The following COL2A1 variants were observed in gnomAD, a reference collection of about 807,000 sequenced individuals.
COL2A1 encodes collagen type II alpha 1 chain.
Under a neutral mutation model 204.5 loss-of-function variants are expected in COL2A1, and 28 were observed. The observed-to-expected ratio is 0.14, with a 90% CI of 0.10 to 0.19. COL2A1 has a LOEUF of 0.19. COL2A1 is among the 10% of genes least tolerant of loss of function. The pLI is 1.00. For synonymous variants in COL2A1, 708 were observed against 718.7 expected, an observed-to-expected ratio of 0.99 and a Z score of 0.24; for missense variants, 1,388 against 2,027.5, an observed-to-expected ratio of 0.68 and a Z score of 6.06.
chr12:47,997,796 G>A lies in COL2A1; in HGVS notation c.429+75C>T, dbSNP rs995943896. The A allele has an allele frequency of 3.1e-6, 5 of 1,609,134 alleles. No homozygotes were observed. In the Admixed American group the frequency reaches 5.0e-5, roughly 16 times the overall value. On this transcript the variant is annotated intron_variant, in intron 6 of 53. Transcript: ENST00000380518. ...TGGCTGCTCTTTAAGAGGTGACCAGGCCCTTAAACACATGGTGGGGCCTTG... is the reference window on the plus strand; with the variant it reads ...TGGCTGCTCTTTAAGAGGTGACCAGACCCTTAAACACATGGTGGGGCCTTG...
chr12:47,993,036 T>A, intron 15 of COL2A1, 105 bp from the exon 16 acceptor site: 2 of 1,086,778 alleles, frequency 1.8e-6, no homozygotes, highest in Non-Finnish European at 1.4e-6. Context: ...AGAGGGAGGA[T>A]GCCCACACCC....
chr12:48,001,040 G>T (rs954326), intron 1 of COL2A1: 45,690 of 152,214 alleles, frequency 0.3, 8,089 homozygotes, highest in African/African-American at 0.49. Flanking sequence ...GACTGCAGAG[G>T]AAGAATAGCA....
chr12:47,998,265 C>T, intron 3 of COL2A1, 64 bp from the exon 4 acceptor site: 1 of 1,607,450 alleles, frequency 6.2e-7, no homozygotes, highest in Non-Finnish European at 8.5e-7. Context: ...GTCTAAAACC[C>T]TGCCAGCAGC....
Position 47,997,645 on chromosome 12 carries a change from A to G in COL2A1, c.492T>C (p.Pro164=). Reference sequence around the variant, plus strand: ...GGGGACCAGGGGGGCCGGGAGGACCAGGGGGGCCAGGATTTCCAGGGGTCC... The same window carrying G: ...GGGGACCAGGGGGGCCGGGAGGACCGGGGGGGCCAGGATTTCCAGGGGTCC... ...EPGTPGNPGP[P]GPPGPPGPPG... The change falls in exon 7 of 54, where the codon CCT becomes CCC. Residue 164 remains proline, a synonymous_variant. Coordinates refer to ENST00000380518, the MANE Select transcript of COL2A1 (RefSeq NM_001844.5). The G allele has an allele frequency of 2.5e-6, 4 of 1,613,724 alleles. No individual in the cohort carries two copies. Among genetic ancestry groups the G allele is most frequent in the Non-Finnish European group, 3.4e-6 (4 of 1,179,844 alleles).
Position 47,980,700 on chromosome 12 carries a change from G to T in COL2A1, c.2518-39C>A, listed in dbSNP as rs201136099. On this transcript the variant is annotated intron_variant, in intron 38 of 53. Coordinates refer to ENST00000380518, the MANE Select transcript of COL2A1 (RefSeq NM_001844.5). This position sits in a 1 kb window ranked among gnomAD's most constrained non-coding sequence, Gnocchi z 4.5. ...GAGGAAGCAGGTGAATGAGGGGCAG[G>T]CTAAAACCCTGGAGCTCTTCCAGAA... 3 of 1,575,654 alleles carry T rather than the reference G, an allele frequency of 1.9e-6. No individual in the cohort carries two copies. Among genetic ancestry groups the T allele is most frequent in the East Asian group, 2.3e-5 (1 of 43,712 alleles).
intron 11 of COL2A1, among the ~76,000 whole-genome samples, chr12:47,994,777 A>C (rs1408704937): frequency 6.6e-6 from 1 of 152,210 alleles, no homozygotes; most frequent in Non-Finnish European, 1.5e-5. Flanking sequence ...CTCTAACCTC[A>C]AGAGACTTTT....
At position 47,978,467 on chromosome 12, in the gene COL2A1, C is replaced by G; in HGVS notation, c.2896-69G>C. 6.4e-7 allele frequency: 1 copy of G among 1,570,294 alleles called. No individual in the cohort carries two copies. Among genetic ancestry groups the G allele is most frequent in the Middle Eastern group, 1.7e-4 (1 of 5,996 alleles). Reference sequence around the variant, plus strand: ...CCTCTTCTGTCCTCTCAGCACAGCTCTGTCTGTGCAGCCCCGCTCCCTGGC... The same window carrying G: ...CCTCTTCTGTCCTCTCAGCACAGCTGTGTCTGTGCAGCCCCGCTCCCTGGC... On this transcript the variant is annotated intron_variant, in intron 42 of 53. Coordinates refer to ENST00000380518, the MANE Select transcript of COL2A1 (RefSeq NM_001844.5). The surrounding 1 kb of genome is among the most constrained non-coding windows in gnomAD (Gnocchi z 5.5).
chr12:47,995,194 C>T (rs1250426536), intron 11 of COL2A1, 61 bp downstream of exon 11: 5 of 1,471,550 alleles, frequency 3.4e-6, no homozygotes, highest in African/African-American at 2.8e-5. Flanking sequence ...CCCAAGCACA[C>T]ACCCTCTCCA....
chr12:47,996,031 G>A, intron 8 of COL2A1, 112 bp from the exon 9 acceptor site: 1 of 851,150 alleles, frequency 1.2e-6, no homozygotes, highest in Non-Finnish European at 2.0e-6. Flanking sequence ...GTTACTCTGT[G>A]GGCAAGGGGC....
chr12:47,984,950 G>A, intron 27 of COL2A1, 45 bp downstream of exon 27: 1 of 1,516,216 alleles, frequency 6.6e-7, no homozygotes, highest in Non-Finnish European at 9.1e-7. Context: ...CAGGGAGGTA[G>A]GTAGCACCAC....
At position 47,977,599 on chromosome 12, in the gene COL2A1, C is replaced by T. The variant is rs767701661; in HGVS notation, c.3165+1G>A. On this transcript the variant is annotated splice_donor_variant, in intron 45 of 53. Coordinates refer to ENST00000380518, the MANE Select transcript of COL2A1 (RefSeq NM_001844.5). LOFTEE classifies it high-confidence loss of function. ...TGCACACACAGACACCAGACACTCACCTTGACTCCAGCAGCGCCATCTCTG... is the reference window on the plus strand; with the variant it reads ...TGCACACACAGACACCAGACACTCATCTTGACTCCAGCAGCGCCATCTCTG... 6.2e-7 allele frequency: 1 copy of T among 1,614,128 alleles called. No homozygotes were observed. Among genetic ancestry groups the T allele is most frequent in the Admixed American group, 1.7e-5 (1 of 60,024 alleles).
intron 46 of COL2A1, 35 bp from the exon 47 acceptor site, chr12:47,977,190 C>T (rs1370058371): frequency 6.2e-7 from 1 of 1,611,064 alleles, no homozygotes; most frequent in Non-Finnish European, 8.5e-7. Flanking sequence ...CAGAGAAAAG[C>T]CAGGACAGGT....
At position 48,000,636 on chromosome 12, in the gene COL2A1, C is replaced by T. The variant is rs556905864; in HGVS notation, c.86-511G>A. ...TATGGGATTAGCTAAATACAACTGA[C>T]AACTAACATTCAGAGGGAATGTAGA... is the stretch of plus-strand genomic sequence containing the variant. On this transcript the variant is annotated intron_variant, in intron 1 of 53. Transcript: ENST00000380518. Among the ~76,000 whole-genome samples the T allele has an allele frequency of 3.9e-5, 6 of 152,100 alleles. No individual in the cohort carries two copies. In the South Asian group the frequency reaches 1.2e-3, roughly 32 times the overall value.
chr12:47,981,308 C>G (rs755370016), intron 37 of COL2A1, 35 bp downstream of exon 37: 3 of 1,606,638 alleles, frequency 1.9e-6, no homozygotes, highest in Admixed American at 3.4e-5. Context: ...CCAGGGGCCT[C>G]GGGCAGAGCC....
chr12:47,975,687 G>T lies in COL2A1; in HGVS notation c.3598-82C>A, dbSNP rs1315148357. 3.4e-5 allele frequency: 50 copies of T among 1,475,892 alleles called. 1 individual carries two copies. The Middle Eastern group carries it at 5.1e-4, about 15-fold the overall frequency. The allele number at this position is 1,475,892 out of a possible 1,614,324, so 91.4% of individuals were successfully genotyped here. On this transcript the variant is annotated intron_variant, in intron 50 of 53. Transcript: ENST00000380518. ...CATCCCCATTTGCTAGAATGTACTA[G>T]AGTGTCCCTCTTCCCAGCCCCATGG...
chr12:47,989,139 G>A, intron 18 of COL2A1, 89 bp downstream of exon 18: 1 of 1,088,834 alleles, frequency 9.2e-7, no homozygotes, highest in Non-Finnish European at 1.4e-6. Context: ...GGGAGCAGGT[G>A]GTTGTTGAGG....
intron 11 of COL2A1, 62 bp from the exon 12 acceptor site, chr12:47,994,539 C>T: frequency 6.3e-7 from 1 of 1,575,524 alleles, no homozygotes; most frequent in Non-Finnish European, 8.7e-7. Flanking sequence ...GTGGGGGCAC[C>T]CCAGAGGGCT....
At chr12:47,973,603 C>T in intron 53 of COL2A1, 50 bp from the exon 54 acceptor site, 2 of 1,610,238 alleles carry the variant, frequency 1.2e-6, no homozygotes, top group Middle Eastern at 1.7e-4. Flanking sequence ...CCTTGCTACC[C>T]AGTTCCAGCT....
chr12:47,976,404 AC>A lies in COL2A1; in HGVS notation c.3489+109del. On this transcript the variant is annotated intron_variant, in intron 49 of 53. Transcript: ENST00000380518. This position sits in a 1 kb window ranked among gnomAD's most constrained non-coding sequence, Gnocchi z 4.3. ...GTCCTGCCCCCATTACTGAGTGAGG[AC>A]CCCTGAGCCCACAGCTTCCCCAGAA... 8.0e-7 allele frequency: 1 copy of A among 1,247,870 alleles called. No homozygotes were observed. Among genetic ancestry groups the A allele is most frequent in the East Asian group, 2.3e-5 (1 of 42,664 alleles). The allele number at this position is 1,247,870 out of a possible 1,614,324, so 77.3% of individuals were successfully genotyped here. A position where few individuals can be genotyped will look rare whatever the true frequency, so the allele number is the denominator to read the frequency against.
Sources: allele counts gnomAD v4.1 joint callset (sites outside exome capture counted in the v4.1 genomes callset), GRCh38; gene constraint gnomAD v4.1.1; non-coding constraint Gnocchi (gnomAD v3.1); transcripts MANE v1.5; gene names NCBI Gene and HGNC (gene_info 2026-07-23, HGNC 2026-07-21).